CFAP46: variants seen among roughly 807,000 people sequenced by gnomAD.
CFAP46 encodes cilia- and flagella-associated protein 46.
Under a neutral mutation model 325.7 loss-of-function variants are expected in CFAP46, and 245 were observed. The ratio of observed to expected loss-of-function variants is 0.75; its 90% CI spans 0.68 to 0.84. The LOEUF (loss-of-function observed/expected upper bound fraction) is 0.84, where lower values mean the gene tolerates loss of function less well. Ranked by LOEUF, CFAP46 falls within the 40% of genes least tolerant of loss-of-function variation. The pLI is 0.00. For synonymous variants in CFAP46, 1,523 were observed against 1,495.9 expected, an observed-to-expected ratio of 1.02 and a Z score of -0.42; for missense variants, 3,346 against 3,543.0, an observed-to-expected ratio of 0.94 and a Z score of 1.41.
chr10:132,894,726 A>G (rs1402660976), intron 24 of CFAP46, among the ~76,000 whole-genome samples: 1 of 152,224 alleles, frequency 6.6e-6, no homozygotes, highest in Non-Finnish European at 1.5e-5. Context: ...TCTAGAAAAA[A>G]TGAACAAATC....
At chr10:132,822,164 G>GTGTGTGCTGA (rs1360473481) in intron 50 of CFAP46, among the ~76,000 whole-genome samples, 1 of 141,710 alleles carries the variant, frequency 7.1e-6, no homozygotes, top group Non-Finnish European at 1.5e-5. Flanking sequence ...GCTGTGTGCT[G>GTGTGTGCTGA]TGTGTGCTGA....
At chr10:132,922,803 G>A (rs1849748122) in intron 11 of CFAP46, 95 bp from the exon 12 acceptor site, 5 of 997,882 alleles carry the variant, frequency 5.0e-6, no homozygotes, top group Non-Finnish European at 7.4e-6. Flanking sequence ...AGTGGCCCCA[G>A]AGTGTAGGGC....
At chr10:132,837,997 G>A (rs561266503) in intron 44 of CFAP46, among the ~76,000 whole-genome samples, 14 of 133,944 alleles carry the variant, frequency 1.0e-4, no homozygotes, top group African/African-American at 3.1e-4. Context: ...ACGGACACAC[G>A]TGTACACAGT....
intron 41 of CFAP46, among the ~76,000 whole-genome samples, chr10:132,849,772 C>A (rs949718340): frequency 6.6e-6 from 1 of 152,196 alleles, no homozygotes; most frequent in African/African-American, 2.4e-5. Flanking sequence ...GGAGCCAAGG[C>A]TGCCTAGGGC....
chr10:132,835,156 G>T, intron 47 of CFAP46, 148 bp downstream of exon 47: 1 of 1,090,620 alleles, frequency 9.2e-7, no homozygotes, highest in Non-Finnish European at 1.3e-6. Flanking sequence ...CCTGGGAGTT[G>T]GGCAGTGCCC....
intron 25 of CFAP46, among the ~76,000 whole-genome samples, chr10:132,891,335 G>T (rs1448059290): frequency 1.3e-5 from 2 of 152,164 alleles, no homozygotes; most frequent in Non-Finnish European, 2.9e-5. Flanking sequence ...GGTGGTAGGG[G>T]GCAAGGGTGG....
intron 15 of CFAP46, 114 bp from the exon 16 acceptor site, chr10:132,918,634 G>A: frequency 7.5e-7 from 1 of 1,331,584 alleles, no homozygotes; most frequent in Admixed American, 3.0e-5. Flanking sequence ...TCCGTGTAGG[G>A]TCCGCCAAGG....
At chr10:132,893,912 G>A (rs889568767) in intron 24 of CFAP46, among the ~76,000 whole-genome samples, 1 of 151,746 alleles carries the variant, frequency 6.6e-6, no homozygotes, top group African/African-American at 2.4e-5. Context: ...TGAGGTTGCT[G>A]CAGCCCCCTG....
In CFAP46 at chr10:132,808,679, G is replaced by A; in HGVS notation, c.7890C>T (p.Ser2630=). The A allele has an allele frequency of 1.3e-6, 2 of 1,577,780 alleles. No homozygotes were observed. Among genetic ancestry groups the A allele is most frequent in the African/African-American group, 1.4e-5 (1 of 74,050 alleles). Residue 2630 remains serine (S), a synonymous_variant, in exon 58 of 58, where the codon TCC becomes TCT. Coordinates refer to ENST00000368586, the MANE Select transcript of CFAP46 (RefSeq NM_001200049.3). This position sits in a 1 kb window ranked among gnomAD's most constrained non-coding sequence, Gnocchi z 6.8. ...HPHLPAPIPS[S]QLALPFLGLS... Reference sequence around the variant, plus strand: ...GGCCCAGGAAGGGGAGAGCGAGCTGGGAGCTGGGGATGGGAGCCGGGAGGT... The same window carrying A: ...GGCCCAGGAAGGGGAGAGCGAGCTGAGAGCTGGGGATGGGAGCCGGGAGGT...
At chr10:132,881,090 C>A (rs536725425) in intron 27 of CFAP46, 58 bp from the exon 28 acceptor site, 66 of 1,438,758 alleles carry the variant, frequency 4.6e-5, no homozygotes, top group Non-Finnish European at 6.1e-5. Flanking sequence ...GCGTTCCTGA[C>A]GCAGTGGAAT....
rs1848160628 is a variant in CFAP46, at chr10:132,832,387, T to TTC, written c.7117+970_7117+971insGA. On this transcript the variant is annotated intron_variant, in intron 50 of 57. Transcript: ENST00000368586. The surrounding 1 kb of genome is among the most constrained non-coding windows in gnomAD (Gnocchi z 4.1). ...CTTGCGGAGACCCCTGGGCTCTTCC[T>TTC]GCCCCCCCCCCCCAATGCTGTGGCC... is the stretch of plus-strand genomic sequence containing the variant. 8.0e-6 allele frequency among the ~76,000 whole-genome samples: 1 copy of TTC among 124,366 alleles called. No homozygotes were observed. Among genetic ancestry groups the TTC allele is most frequent in the Non-Finnish European group, 1.6e-5 (1 of 61,436 alleles). 81.6% of individuals were successfully genotyped at this position (124,366 alleles called of 152,430 possible).
In CFAP46 at chr10:132,869,844, G is replaced by A. The variant is rs1253966914; in HGVS notation, c.4512-472C>T. Among the ~76,000 whole-genome samples the A allele has an allele frequency of 2.0e-5, 3 of 152,170 alleles. No homozygotes were observed. Among genetic ancestry groups the A allele is most frequent in the Admixed American group, 6.5e-5 (1 of 15,278 alleles). On this transcript the variant is annotated intron_variant, in intron 32 of 57. Transcript: ENST00000368586. This position sits in a 1 kb window ranked among gnomAD's most constrained non-coding sequence, Gnocchi z 6.2. Reference sequence around the variant, plus strand: ...AGCCTCCTCTCCCGTGCCCGCCCCTGGGATATCTGAGCAAGCTGAGGATGC... The same window carrying A: ...AGCCTCCTCTCCCGTGCCCGCCCCTAGGATATCTGAGCAAGCTGAGGATGC...
At chr10:132,826,633 C>T (rs1222091883) in intron 50 of CFAP46, among the ~76,000 whole-genome samples, 1 of 114,412 alleles carries the variant, frequency 8.7e-6, no homozygotes, top group South Asian at 3.6e-4. Context: ...AGGCAGGAGC[C>T]GGAGCCACAG....
In CFAP46 at chr10:132,923,824, C is replaced by G. The variant is rs574586690; in HGVS notation, c.1256+872G>C. Reference sequence around the variant, plus strand: ...TGATGCTGGCCTGACACAGACTGTGCTAAGTTAAGGGTGCATGTTCTTAGC... The same window carrying G: ...TGATGCTGGCCTGACACAGACTGTGGTAAGTTAAGGGTGCATGTTCTTAGC... On this transcript the variant is annotated intron_variant, in intron 11 of 57. Transcript: ENST00000368586. Among the ~76,000 whole-genome samples the G allele has an allele frequency of 3.3e-5, 5 of 152,232 alleles. No homozygotes were observed. In the East Asian group the frequency reaches 9.6e-4, roughly 29 times the overall value.
chr10:132,869,363 G>A lies in CFAP46; in HGVS notation c.4521C>T (p.His1507=), dbSNP rs550162487. 2.7e-4 allele frequency: 411 copies of A among 1,531,414 alleles called. 2 individuals are homozygous for A. The East Asian group carries it at 9.6e-3, about 36-fold the overall frequency. The allele number at this position is 1,531,414 out of a possible 1,614,324, so 94.9% of individuals were successfully genotyped here. Residue 1507 remains histidine, a synonymous_variant, in exon 33 of 58, where the codon CAC becomes CAT. Transcript: ENST00000368586. The surrounding 1 kb of genome is among the most constrained non-coding windows in gnomAD (Gnocchi z 6.2). ...CTCTCAGCTTCAGCTCGGAGCACGC[G>A]TGGGCGAGGCTGTGGGGAGTGTGGC... ...LSDLYHLRLA[H]ACSELKLREA... is the part of the protein sequence containing the mutation.
chr10:132,924,637 C>CT, intron 11 of CFAP46, 59 bp downstream of exon 11: 1 of 1,380,782 alleles, frequency 7.2e-7, no homozygotes, highest in Non-Finnish European at 9.4e-7. Flanking sequence ...TTCTCCTCCT[C>CT]TGTCTCCTCC....
In CFAP46 at chr10:132,814,706, A is replaced by G. The variant is rs1415488352; in HGVS notation, c.7229T>C (p.Val2410Ala). ...PRTIPPDCII[V>A]DSDNFKFVVD... Reference sequence around the variant, plus strand: ...GATACACTTGAAGTTGTCTGAGTCGACTATGATGCAGTCAGGGGGGATGGT... The same window carrying G: ...GATACACTTGAAGTTGTCTGAGTCGGCTATGATGCAGTCAGGGGGGATGGT... The change falls in exon 52 of 58, where the codon GTC becomes GCC. Residue 2410 changes from valine to alanine, a missense_variant. Val to Ala is a moderately conservative substitution (Grantham distance 64). Coordinates refer to ENST00000368586, the MANE Select transcript of CFAP46 (RefSeq NM_001200049.3). 2 of 1,610,904 alleles carry G rather than the reference A, an allele frequency of 1.2e-6. No individual in the cohort carries two copies. The highest frequency in any genetic ancestry group is 1.7e-6 in the Non-Finnish European group (2 of 1,178,500).
rs1849573765 is a variant in CFAP46 at position 132,912,787 on chromosome 10, G to T, written c.2367C>A (p.Thr789=). Residue 789 remains threonine, a synonymous_variant, in exon 19 of 58, where the codon ACC becomes ACA. Coordinates refer to ENST00000368586, the MANE Select transcript of CFAP46 (RefSeq NM_001200049.3). ...AGCTGATGATCAGGCCTCGCGCCAA[G>T]GTGTTGCAGAGCGTCACCAGCATCA... ...DPVMLVTLCN[T]LARGLIISWI... 55 of 1,550,064 alleles carry T rather than the reference G, an allele frequency of 3.5e-5. No individual in the cohort carries two copies. The highest frequency in any genetic ancestry group is 4.8e-5 in the Non-Finnish European group (55 of 1,146,990).
intron 44 of CFAP46, among the ~76,000 whole-genome samples, chr10:132,841,122 A>C (rs1293207767): frequency 6.6e-6 from 1 of 152,190 alleles, no homozygotes; most frequent in Admixed American, 6.5e-5. Context: ...TCATATACAA[A>C]TAGATTCCTA....
Sources: allele counts gnomAD v4.1 joint callset (sites outside exome capture counted in the v4.1 genomes callset), GRCh38; gene constraint gnomAD v4.1.1; non-coding constraint Gnocchi (gnomAD v3.1); transcripts MANE v1.5; gene names NCBI Gene and HGNC (gene_info 2026-07-23, HGNC 2026-07-21).